Variants in GALNT7 observed in about 807,000 individuals in gnomAD.
The protein encoded by GALNT7 is polypeptide N-acetylgalactosaminyltransferase 7.
A neutral mutation model predicts 82.1 loss-of-function variants in GALNT7; 60 were observed. The observed-to-expected ratio is 0.73, with a 90% confidence interval of 0.59 to 0.91. GALNT7 has a LOEUF of 0.91. Ranked by LOEUF, GALNT7 falls within the 40% of genes least tolerant of loss-of-function variation. The pLI is 0.00. For missense variants in GALNT7, 660 were observed against 804.2 expected (o/e 0.82, Z 2.17); for synonymous variants, 243 against 275.1 (o/e 0.88, Z 1.15).
At chr4:173,310,279 C>T (rs569677038) in intron 8 of GALNT7, among the ~76,000 whole-genome samples, 1 of 152,164 alleles carries the variant, frequency 6.6e-6, no homozygotes, top group Admixed American at 6.5e-5. Context: ...TCTATTTGCC[C>T]GTGAATGAAA....
intron 1 of GALNT7, among the ~76,000 whole-genome samples, chr4:173,188,955 TG>T (rs1732538640): frequency 1.3e-5 from 2 of 152,212 alleles, no homozygotes; most frequent in South Asian, 4.1e-4. Context: ...GAGTAGCCCC[TG>T]GCCTTACTGC....
chr4:173,239,999 A>G (rs556600726), intron 1 of GALNT7, among the ~76,000 whole-genome samples: 2 of 152,348 alleles, frequency 1.3e-5, no homozygotes, highest in East Asian at 1.9e-4. Context: ...AACCACTTTT[A>G]AACTATACCT....
At chr4:173,203,653 G>A (rs60699343) in intron 1 of GALNT7, among the ~76,000 whole-genome samples, 2,480 of 152,044 alleles carry the variant, frequency 0.016, 70 homozygotes, top group Admixed American at 0.067. Flanking sequence ...TGTGGTTACC[G>A]TTAGGTTTAT....
intron 2 of GALNT7, among the ~76,000 whole-genome samples, chr4:173,286,348 G>A (rs755856711): frequency 3.1e-4 from 47 of 152,204 alleles, no homozygotes; most frequent in Non-Finnish European, 4.9e-4. Flanking sequence ...TTAAGGAGGC[G>A]ATTGTCTGTT....
intron 1 of GALNT7, among the ~76,000 whole-genome samples, chr4:173,232,316 A>G (rs1734055131): frequency 6.6e-6 from 1 of 152,134 alleles, no homozygotes; most frequent in Non-Finnish European, 1.5e-5. Flanking sequence ...AGTGGTTTTT[A>G]TAAATTTTTG....
intron 1 of GALNT7, among the ~76,000 whole-genome samples, chr4:173,178,559 A>G (rs1482815465): frequency 1.3e-5 from 2 of 152,202 alleles, no homozygotes; most frequent in Non-Finnish European, 1.5e-5. Flanking sequence ...CTGCACCATT[A>G]TAAATTCCCT....
rs760374528 is a variant in GALNT7, at chr4:173,298,132, C to T, written c.983C>T (p.Pro328Leu). The T allele has an allele frequency of 9.9e-6, 16 of 1,613,850 alleles. No individual in the cohort carries two copies. The highest frequency in any genetic ancestry group is 4.5e-5 in the East Asian group (2 of 44,874). ...ISKDRTICTV[P>L]LIDVINGNTY... is the part of the protein sequence containing the mutation. ...CAATACAGAACCATTTGCACTGTGC[C>T]GCTTATAGATGTCATAAATGGCAAC... is the stretch of plus-strand genomic sequence containing the variant. The change falls in exon 6 of 12, where the codon CCG (proline) becomes CTG (leucine). Residue 328 changes from proline (P) to leucine (L), a missense_variant. Pro to Leu is a moderately conservative substitution (Grantham distance 98). Coordinates refer to ENST00000265000, the MANE Select transcript of GALNT7 (RefSeq NM_017423.3).
At chr4:173,181,118 C>T (rs73870534) in intron 1 of GALNT7, among the ~76,000 whole-genome samples, 2,379 of 152,236 alleles carry the variant, frequency 0.016, 52 homozygotes, top group African/African-American at 0.053. Flanking sequence ...ATAGAAATGA[C>T]TGAAATTTTA....
rs55699453 is a variant in GALNT7, at chr4:173,228,141, G to A, written c.127-19839G>A. ...AGGTCAATTTTTTTCTGAATAAATA[G>A]TTTTAAAAACAAATTTAACAGGAAG... On this transcript the variant is annotated intron_variant, in intron 1 of 11. Coordinates refer to ENST00000265000, the MANE Select transcript of GALNT7 (RefSeq NM_017423.3). Among the ~76,000 whole-genome samples, 976 of 151,350 alleles carry A rather than the reference G, an allele frequency of 6.4e-3. 11 individuals are homozygous for A. Among genetic ancestry groups the A allele is most frequent in the African/African-American group, 0.023 (931 of 41,338 alleles).
At chr4:173,184,594 G>C (rs558785668) in intron 1 of GALNT7, among the ~76,000 whole-genome samples, 23 of 144,986 alleles carry the variant, frequency 1.6e-4, no homozygotes, top group African/African-American at 5.1e-4. Context: ...CAGGGAGAGG[G>C]AGCTCGGCAT....
chr4:173,232,659 C>A (rs1180645583), intron 1 of GALNT7, among the ~76,000 whole-genome samples: 21 of 152,130 alleles, frequency 1.4e-4, no homozygotes, highest in Admixed American at 1.4e-3. Flanking sequence ...ATGTCTCAAA[C>A]TCCTACCCTC....
chr4:173,229,852 T>C (rs1293509411), intron 1 of GALNT7, among the ~76,000 whole-genome samples: 1 of 152,212 alleles, frequency 6.6e-6, no homozygotes, highest in Admixed American at 6.5e-5. Context: ...TTACTACTTT[T>C]TTTTTCATTT....
intron 2 of GALNT7, among the ~76,000 whole-genome samples, chr4:173,266,868 G>GGTGT (rs71596614): frequency 0.043 from 4,102 of 95,034 alleles, 158 homozygotes; most frequent in East Asian, 0.05. Flanking sequence ...GGCTGGGAAG[G>GGTGT]GTGTGTGTGT....
intron 1 of GALNT7, among the ~76,000 whole-genome samples, chr4:173,227,242 G>A (rs1225390210): frequency 6.6e-6 from 1 of 152,130 alleles, no homozygotes; most frequent in Non-Finnish European, 1.5e-5. Context: ...GTATCTTGAG[G>A]AAGATTGAAC....
chr4:173,284,293 T>C (rs1736229496), intron 2 of GALNT7, among the ~76,000 whole-genome samples: 1 of 152,232 alleles, frequency 6.6e-6, no homozygotes, highest in African/African-American at 2.4e-5. Flanking sequence ...AATGACAAAA[T>C]GTCCAGGGTG....
chr4:173,189,994 G>T (rs113996414), intron 1 of GALNT7, among the ~76,000 whole-genome samples: 3,446 of 146,422 alleles, frequency 0.024, 68 homozygotes, highest in African/African-American at 0.052. Context: ...CAAAATGTTA[G>T]TTTTTTTTTT....
intron 1 of GALNT7, among the ~76,000 whole-genome samples, chr4:173,229,686 C>T (rs897045913): frequency 6.6e-6 from 1 of 152,094 alleles, no homozygotes; most frequent in Non-Finnish European, 1.5e-5. Context: ...AGAGTTGTTG[C>T]AGGAATTAAA....
At chr4:173,179,344 C>G (rs1732174830) in intron 1 of GALNT7, among the ~76,000 whole-genome samples, 1 of 151,970 alleles carries the variant, frequency 6.6e-6, no homozygotes, top group Admixed American at 6.6e-5. Flanking sequence ...TTTAGTTTTC[C>G]TTTTAATAGA....
chr4:173,231,523 T>A (rs758389531), intron 1 of GALNT7, among the ~76,000 whole-genome samples: 1 of 152,202 alleles, frequency 6.6e-6, no homozygotes, highest in Non-Finnish European at 1.5e-5. Context: ...TGTGACTTAA[T>A]GATGTATGAT....
Sources: allele counts gnomAD v4.1 joint callset (sites outside exome capture counted in the v4.1 genomes callset), GRCh38; gene constraint gnomAD v4.1.1; transcripts MANE v1.5; gene names NCBI Gene and HGNC (gene_info 2026-07-23, HGNC 2026-07-21).